PTPRD: variants seen among roughly 807,000 people sequenced by gnomAD.
PTPRD encodes the protein receptor-type tyrosine-protein phosphatase delta.
PTPRD carries 34 observed loss-of-function variants against 214.5 expected under a neutral mutation model. The ratio of observed to expected loss-of-function variants is 0.16; its 90% CI spans 0.12 to 0.21. The LOEUF is 0.21. PTPRD is among the 10% of genes least tolerant of loss of function. The probability of loss-of-function intolerance (pLI) is 1.00; values close to 1 mark genes in which losing one functional copy is unlikely to be tolerated. For missense variants in PTPRD, 2,545 were observed against 2,398.7 expected, an observed-to-expected ratio of 1.06 and a Z score of -1.27; for synonymous variants, 1,128 against 845.7, an observed-to-expected ratio of 1.33 and a Z score of -5.79.
At chr9:10,280,775 AT>A (rs35974453) in intron 3 of PTPRD, among the ~76,000 whole-genome samples, 45,900 of 147,600 alleles carry the variant, frequency 0.31, 8,135 homozygotes, top group South Asian at 0.51. Flanking sequence ...ACACATGGCA[AT>A]TTTTTTTTTT....
chr9:9,632,132 A>T (rs1446435932), intron 7 of PTPRD, among the ~76,000 whole-genome samples: 2 of 152,234 alleles, frequency 1.3e-5, no homozygotes, highest in African/African-American at 2.4e-5. Context: ...CACAATAGCC[A>T]CAAAGTGGAA....
intron 10 of PTPRD, among the ~76,000 whole-genome samples, chr9:9,086,333 T>A (rs1288329404): frequency 1.3e-5 from 2 of 152,166 alleles, no homozygotes; most frequent in East Asian, 3.9e-4. Flanking sequence ...CTAGAACGCA[T>A]GCTGTTCATT....
At chr9:10,190,386 GAAAAA>G (rs66511711) in intron 3 of PTPRD, among the ~76,000 whole-genome samples, 2 of 50,156 alleles carry the variant, frequency 4.0e-5, no homozygotes, top group African/African-American at 1.4e-4. Flanking sequence ...TCTATCTCCA[GAAAAA>G]AAAAAAAAAA....
intron 4 of PTPRD, among the ~76,000 whole-genome samples, chr9:9,964,465 G>A (rs1352793725): frequency 1.3e-5 from 2 of 152,132 alleles, no homozygotes; most frequent in Non-Finnish European, 2.9e-5. Flanking sequence ...AAAATCTAAA[G>A]AAGCTTAGCA....
intron 10 of PTPRD, among the ~76,000 whole-genome samples, chr9:9,149,530 A>G (rs1423288202): frequency 6.6e-6 from 1 of 151,950 alleles, no homozygotes; most frequent in Non-Finnish European, 1.5e-5. Flanking sequence ...ATGCATGGTG[A>G]CTCCACAAAG....
chr9:8,764,364 G>C (rs2094578118), intron 11 of PTPRD, among the ~76,000 whole-genome samples: 1 of 152,100 alleles, frequency 6.6e-6, no homozygotes, highest in African/African-American at 2.4e-5. Flanking sequence ...ATTATTGTTT[G>C]GTTTCAAGGC....
intron 10 of PTPRD, among the ~76,000 whole-genome samples, chr9:9,166,563 G>A (rs537359626): frequency 1.3e-5 from 2 of 152,238 alleles, no homozygotes; most frequent in East Asian, 3.9e-4. Flanking sequence ...ACAAAACCTA[G>A]AGATGCCATT....
chr9:8,663,116 GC>G (rs2097097766), intron 12 of PTPRD, among the ~76,000 whole-genome samples: 1 of 152,006 alleles, frequency 6.6e-6, no homozygotes. Flanking sequence ...TTGGAATTGA[GC>G]TTTTGAAACT....
chr9:10,612,212 A>AAAG (rs1433790949), intron 2 of PTPRD, among the ~76,000 whole-genome samples, 186 bp downstream of exon 2: 2 of 150,360 alleles, frequency 1.3e-5, no homozygotes, highest in Non-Finnish European at 3.0e-5. Flanking sequence ...CTCTTCCAAA[A>AAAG]AAAAAAAAAA....
At chr9:8,908,701 A>C (rs2098725354) in intron 11 of PTPRD, among the ~76,000 whole-genome samples, 2 of 151,752 alleles carry the variant, frequency 1.3e-5, no homozygotes, top group South Asian at 2.1e-4. Flanking sequence ...AAGAAGAACA[A>C]ATTAAACCCC....
At chr9:9,934,585 T>C (rs897888761) in intron 5 of PTPRD, among the ~76,000 whole-genome samples, 4 of 151,370 alleles carry the variant, frequency 2.6e-5, no homozygotes, top group African/African-American at 4.9e-5. Context: ...CAATAATCAA[T>C]AGCTTACCAA....
chr9:9,975,657 T>C (rs2095325249), intron 4 of PTPRD, among the ~76,000 whole-genome samples: 1 of 152,144 alleles, frequency 6.6e-6, no homozygotes, highest in Non-Finnish European at 1.5e-5. Flanking sequence ...ATCAACCTAC[T>C]AAAATACACA....
intron 39 of PTPRD, among the ~76,000 whole-genome samples, chr9:8,363,430 A>T (rs951297715): frequency 3.2e-4 from 48 of 152,202 alleles, no homozygotes; most frequent in Non-Finnish European, 5.9e-5. Flanking sequence ...GTAGTTAGGG[A>T]TTCAAGAGGA....
intron 11 of PTPRD, among the ~76,000 whole-genome samples, chr9:8,821,600 CAACT>C (rs1209668333): frequency 6.6e-6 from 1 of 152,186 alleles, no homozygotes; most frequent in Non-Finnish European, 1.5e-5. Context: ...TTGTGAGAAA[CAACT>C]AACTGGCCTG....
At chr9:9,025,465 C>T (rs181690022) in intron 10 of PTPRD, among the ~76,000 whole-genome samples, 3 of 152,108 alleles carry the variant, frequency 2.0e-5, no homozygotes, top group African/African-American at 7.2e-5. Flanking sequence ...CTCCTCTAGA[C>T]TTTGACTTAG....
At chr9:10,576,367 T>C (rs1208785848) in intron 2 of PTPRD, among the ~76,000 whole-genome samples, 1 of 152,156 alleles carries the variant, frequency 6.6e-6, no homozygotes, top group Non-Finnish European at 1.5e-5. Context: ...TTTAAAAATA[T>C]GGTACATTTA....
intron 4 of PTPRD, among the ~76,000 whole-genome samples, chr9:9,961,374 A>G (rs998311430): frequency 6.6e-6 from 1 of 152,128 alleles, no homozygotes; most frequent in African/African-American, 2.4e-5. Flanking sequence ...AGTGGTTTTT[A>G]ATAAATAAGT....
At chr9:9,593,357 G>A (rs765412002) in intron 7 of PTPRD, among the ~76,000 whole-genome samples, 22 of 149,878 alleles carry the variant, frequency 1.5e-4, no homozygotes, top group Admixed American at 6.0e-4. Flanking sequence ...ACAAATATTT[G>A]TATGTACATG....
intron 11 of PTPRD, among the ~76,000 whole-genome samples, chr9:8,824,788 A>T (rs980505497): frequency 2.0e-5 from 3 of 152,182 alleles, no homozygotes; most frequent in African/African-American, 7.2e-5. Context: ...GGTTCACAGG[A>T]ATAAGCAGGG....
Sources: gnomAD v4.1 joint callset for allele counts (sites outside exome capture counted in the v4.1 genomes callset) on GRCh38, gnomAD v4.1.1 for gene constraint, MANE v1.5 for transcripts, NCBI Gene and HGNC (gene_info 2026-07-23, HGNC 2026-07-21) for gene names.